Variants in UMODL1 observed in about 807,000 individuals in gnomAD.
The protein encoded by UMODL1 is uromodulin-like 1.
In UMODL1, 128 loss-of-function variants were observed where a neutral mutation model predicts 136.3. The ratio of observed to expected loss-of-function variants is 0.94; its 90% CI spans 0.81 to 1.09. The LOEUF (loss-of-function observed/expected upper bound fraction) is 1.09. UMODL1 is among the 50% of genes least tolerant of loss of function. The pLI, the probability that UMODL1 is intolerant of heterozygous loss-of-function variation, is 0.00. For synonymous variants in UMODL1, 721 were observed against 720.0 expected (o/e 1.00, Z -0.02); for missense variants, 1,766 against 1,725.6 (o/e 1.02, Z -0.41).
Position 42,137,462 on chromosome 21 carries a change from G to A in UMODL1, c.3799G>A (p.Gly1267Ser). 1 of 1,614,262 alleles carries A rather than the reference G, an allele frequency of 6.2e-7. No individual in the cohort carries two copies. Among genetic ancestry groups the A allele is most frequent in the South Asian group, 1.1e-5 (1 of 91,092 alleles). Residue 1267 changes from glycine to serine, a missense_variant, in exon 22 of 23, where the codon GGC becomes AGC. Physicochemically the swap from Gly to Ser is moderately conservative, Grantham distance 56. Coordinates refer to ENST00000408910, the MANE Select transcript of UMODL1 (RefSeq NM_001004416.3). ...SEGEPPHAEA[G>S]LGAGYVVLIV... ...AGGTGAGCCTCCTCATGCAGAAGCA[G>A]GCCTGGGTGCCGGTTATGTGGTCCT...
intron 15 of UMODL1, 31 bp from the exon 16 acceptor site, chr21:42,121,056 T>TC (rs1235982390): frequency 6.3e-7 from 1 of 1,596,020 alleles, no homozygotes; most frequent in East Asian, 2.3e-5. Context: ...CCAGGGATGT[T>TC]CTTCTGTTTT....
At chr21:42,078,890 T>C (rs1470342411) in intron 2 of UMODL1, among the ~76,000 whole-genome samples, 1 of 152,180 alleles carries the variant, frequency 6.6e-6, no homozygotes, top group Non-Finnish European at 1.5e-5. Context: ...CCTGGCCCCA[T>C]TTCCACTTTC....
At chr21:42,119,070 C>G in intron 14 of UMODL1, 41 bp from the exon 15 acceptor site, 2 of 1,593,782 alleles carry the variant, frequency 1.3e-6, no homozygotes, top group South Asian at 1.1e-5. Flanking sequence ...TCTGTTTCCT[C>G]TCAGCGTGGG....
At chr21:42,139,605 T>C (rs910552523) in intron 22 of UMODL1, among the ~76,000 whole-genome samples, 1 of 152,136 alleles carries the variant, frequency 6.6e-6, no homozygotes, top group Non-Finnish European at 1.5e-5. Flanking sequence ...GAGGCCAATT[T>C]TCCCTCGATG....
chr21:42,085,141 T>A lies in UMODL1; in HGVS notation c.482-150T>A. 1 of 964,474 alleles carries A rather than the reference T, an allele frequency of 1.0e-6. No individual in the cohort carries two copies. Among genetic ancestry groups the A allele is most frequent in the Non-Finnish European group, 1.5e-6 (1 of 658,942 alleles). The allele number at this position is 964,474 out of a possible 1,614,324, so 59.7% of individuals were successfully genotyped here. A position where few individuals can be genotyped will look rare whatever the true frequency, so the allele number is the denominator to read the frequency against. ...GGCAGTGAGGACATCCCCCGTCTCC[T>A]GTGGTAGATGTCTTTTTGCAGGGAG... On this transcript the variant is annotated intron_variant, in intron 3 of 22. Coordinates refer to ENST00000408910, the MANE Select transcript of UMODL1 (RefSeq NM_001004416.3). This position sits in a 1 kb window ranked among gnomAD's most constrained non-coding sequence, Gnocchi z 4.5.
At chr21:42,077,988 A>G (rs2066315082) in intron 2 of UMODL1, among the ~76,000 whole-genome samples, 1 of 152,180 alleles carries the variant, frequency 6.6e-6, no homozygotes, top group Non-Finnish European at 1.5e-5. Context: ...TTCACTGATG[A>G]CAGGGAGAGT....
At chr21:42,109,277 G>T (rs2066780470) in intron 9 of UMODL1, among the ~76,000 whole-genome samples, 1 of 152,218 alleles carries the variant, frequency 6.6e-6, no homozygotes, top group Admixed American at 6.5e-5. Flanking sequence ...TTTGGGTGTG[G>T]AAACAGAATA....
At chr21:42,120,812 G>T (rs1485458740) in intron 15 of UMODL1, 114 of 312,976 alleles carry the variant, frequency 3.6e-4, no homozygotes, top group Non-Finnish European at 6.4e-5. Flanking sequence ...TTACTCCCGG[G>T]AACTGAAGGG....
intron 2 of UMODL1, among the ~76,000 whole-genome samples, chr21:42,083,290 T>C (rs1249786404): frequency 2.0e-5 from 3 of 152,216 alleles, no homozygotes; most frequent in African/African-American, 7.2e-5. Flanking sequence ...AGCTCAGGAA[T>C]GAAGCCCCAG....
intron 2 of UMODL1, among the ~76,000 whole-genome samples, 155 bp from the exon 3 acceptor site, chr21:42,083,929 G>T (rs2066392452): frequency 1.3e-5 from 2 of 152,248 alleles, no homozygotes; most frequent in Non-Finnish European, 2.9e-5. Context: ...CCTCCAATGG[G>T]GTGGGTGTCT....
At chr21:42,108,481 C>T in intron 9 of UMODL1, 1 of 448,872 alleles carries the variant, frequency 2.2e-6, no homozygotes, top group South Asian at 1.6e-5. Context: ...CAGAAAAAAA[C>T]CCACAAAACG....
rs1438402967 is a variant in UMODL1, at chr21:42,102,188, A to G, written c.1209A>G (p.Thr403=). ...IKTNAQVFEV[T]IKIVNHNLTE... The stretch of plus-strand genomic sequence containing the variant: ...CAGATGCCCAGGTATTTGAAGTCAC[A>G]ATAAAGATTGTAAACCACAACCTGA... Residue 403 remains threonine (T), a synonymous_variant, in exon 8 of 23, where the codon ACA becomes ACG. Transcript: ENST00000408910. 1 of 1,613,534 alleles carries G rather than the reference A, an allele frequency of 6.2e-7. No individual in the cohort carries two copies. Among genetic ancestry groups the G allele is most frequent in the South Asian group, 1.1e-5 (1 of 91,002 alleles).
At position 42,126,943 on chromosome 21, in the gene UMODL1, T is replaced by C. The variant is rs182093450; in HGVS notation, c.3294-63T>C. On this transcript the variant is annotated intron_variant, in intron 18 of 22. Transcript: ENST00000408910. The stretch of plus-strand genomic sequence containing the variant: ...CTGTGTTTTAGGGGAGAAGTGGGAA[T>C]GGGAGGGGCCACGATAATGCGCCTC... 6,668 of 1,319,132 alleles carry C rather than the reference T, an allele frequency of 5.1e-3. 29 individuals carry two copies. Among genetic ancestry groups the C allele is most frequent in the Non-Finnish European group, 5.9e-3 (5,380 of 912,756 alleles). 81.7% of individuals were successfully genotyped at this position (1,319,132 alleles called of 1,614,324 possible).
chr21:42,113,280 C>A (rs374841304), intron 12 of UMODL1, among the ~76,000 whole-genome samples: 2 of 151,972 alleles, frequency 1.3e-5, no homozygotes, highest in Admixed American at 6.5e-5. Context: ...GCTCAAGAGG[C>A]CTTCATTTTG....
rs375843491 is a variant in UMODL1 at position 42,084,184 on chromosome 21, T to C, written c.420T>C (p.Pro140=). The C allele has an allele frequency of 8.1e-6, 13 of 1,613,916 alleles. No homozygotes were observed. The highest frequency in any genetic ancestry group is 5.1e-6 in the Non-Finnish European group (6 of 1,180,046). The stretch of plus-strand genomic sequence containing the variant: ...CCTGCAGCTTGGACATCGACTGTCC[T>C]GGACTTGAGAAGTGCTGCCCCTGGT... ...TSPCSLDIDC[P]GLEKCCPWSG... is the part of the protein sequence containing the mutation. The change falls in exon 3 of 23, where the codon CCT becomes CCC. Residue 140 remains proline (P), a synonymous_variant. Coordinates refer to ENST00000408910, the MANE Select transcript of UMODL1 (RefSeq NM_001004416.3).
chr21:42,121,094 T>G lies in UMODL1; in HGVS notation c.2697T>G (p.Asp899Glu), dbSNP rs201892989. 4.1e-4 allele frequency: 658 copies of G among 1,612,892 alleles called. 5 individuals carry two copies. Among genetic ancestry groups the G allele is most frequent in the Non-Finnish European group, 2.5e-5 (30 of 1,179,480 alleles). Reference sequence around the variant, plus strand: ...CTTCTAAATGTTGTGCAGATTACGATGAGTGTGAAAGGAAGGAGGACGACT... The same window carrying G: ...CTTCTAAATGTTGTGCAGATTACGAGGAGTGTGAAAGGAAGGAGGACGACT... ...IRGDTFIQDY[D>E]ECERKEDDCV... Residue 899 changes from aspartate (D) to glutamate (E), a missense_variant, in exon 16 of 23, where the codon GAT becomes GAG. Transcript: ENST00000408910.
At chr21:42,093,221 G>A (rs998242771) in intron 6 of UMODL1, among the ~76,000 whole-genome samples, 1 of 151,722 alleles carries the variant, frequency 6.6e-6, no homozygotes, top group African/African-American at 2.4e-5. Context: ...TTTATTGTTT[G>A]TTTTTTATAG....
intron 14 of UMODL1, among the ~76,000 whole-genome samples, chr21:42,118,427 T>C (rs568529670): frequency 4.5e-4 from 69 of 152,328 alleles, no homozygotes; most frequent in African/African-American, 1.6e-3. Flanking sequence ...CTGAGGATGA[T>C]TGAAGCTCAT....
chr21:42,119,113 G>A lies in UMODL1; in HGVS notation c.2478G>A (p.Val826=). 1 of 1,612,110 alleles carries A rather than the reference G, an allele frequency of 6.2e-7. No individual in the cohort carries two copies. Among genetic ancestry groups the A allele is most frequent in the East Asian group, 2.2e-5 (1 of 44,866 alleles). ...RDFLELFFRM[V]RGSLPATMCQ... is the part of the protein sequence containing the mutation. ...TCACATGGCCTCTTTCCCCGCAGGT[G>A]CGGGGCTCCCTGCCAGCCACCATGT... The change falls in exon 15 of 23, where the codon GTG becomes GTA. Residue 826 remains valine, a splice_region_variant and synonymous_variant. Coordinates refer to ENST00000408910, the MANE Select transcript of UMODL1 (RefSeq NM_001004416.3).
Sources: allele counts gnomAD v4.1 joint callset (sites outside exome capture counted in the v4.1 genomes callset), GRCh38; gene constraint gnomAD v4.1.1; non-coding constraint Gnocchi (gnomAD v3.1); transcripts MANE v1.5; gene names NCBI Gene and HGNC (gene_info 2026-07-23, HGNC 2026-07-21).